TAF1: variants seen among roughly 807,000 people sequenced by gnomAD.
TAF1 encodes the protein TATA-box binding protein associated factor 1.
TAF1 carries 2 observed loss-of-function variants against 138.5 expected under a neutral mutation model. The observed-to-expected ratio is 0.01, with a 90% CI of 0.01 to 0.05. TAF1 has a LOEUF of 0.05. Among genes scored for constraint, TAF1 ranks in the 10% least tolerant of loss-of-function variants. The probability of loss-of-function intolerance (pLI) is 1.00; values close to 1 mark genes in which losing one functional copy is unlikely to be tolerated. For synonymous variants in TAF1, 437 were observed against 503.2 expected (o/e 0.87, Z 1.76); for missense variants, 709 against 1,478.0 (o/e 0.48, Z 8.53).
rs1185139205 is a variant in TAF1, at chrX:71,464,959, T to C, written c.*913T>C. 2 of 111,498 alleles carry C rather than the reference T, an allele frequency of 1.8e-5. No individual in the cohort carries two copies. The highest frequency in any genetic ancestry group is 6.5e-5 in the African/African-American group (2 of 30,680). The allele number at this position is 111,498 out of a possible 1,213,427, so 9.2% of individuals were successfully genotyped here. Reference sequence around the variant, plus strand: ...AGAAATGATAATGTTGCCACCTAAATGTTTTCTGTCCCCCCCACCCTCCCC... The same window carrying C: ...AGAAATGATAATGTTGCCACCTAAACGTTTTCTGTCCCCCCCACCCTCCCC... On this transcript the variant is annotated 3_prime_UTR_variant, in exon 38 of 38. Coordinates refer to ENST00000423759, the MANE Select transcript of TAF1 (RefSeq NM_004606.5).
intron 6 of TAF1, chrX:71,378,023 GA>G: frequency 1.6e-6 from 1 of 612,354 alleles, no homozygotes. Context: ...GGTAGGCGGG[GA>G]TGAGAGGGGT....
chrX:71,371,915 T>C (rs2033087074), intron 3 of TAF1, among the ~76,000 whole-genome samples: 1 of 112,215 alleles, frequency 8.9e-6, no homozygotes, highest in African/African-American at 3.2e-5. Flanking sequence ...TATAATATTA[T>C]GGTAAATGCT....
intron 14 of TAF1, chrX:71,386,991 A>G (rs1188124712): frequency 3.0e-6 from 1 of 328,465 alleles, no homozygotes; most frequent in Non-Finnish European, 5.3e-6. Context: ...TAGCTTAAAT[A>G]GACATGTTAA....
intron 25 of TAF1, among the ~76,000 whole-genome samples, chrX:71,405,934 G>T (rs1370998514): frequency 8.9e-6 from 1 of 111,790 alleles, no homozygotes; most frequent in African/African-American, 3.2e-5. Context: ...AGGTGAATGA[G>T]CTTTAATGAT....
At chrX:71,389,560 T>C (rs372339724) in intron 17 of TAF1, 25 bp from the exon 18 acceptor site, 1 of 1,172,015 alleles carries the variant, frequency 8.5e-7, no homozygotes, top group African/African-American at 1.8e-5. Flanking sequence ...CTGACTGATT[T>C]ATGCATGGAT....
rs1375851409 is a variant in TAF1 at position 71,519,649 on chromosome X, AT to A, written c.1367-8892del. On this transcript the variant is annotated intron_variant and NMD_transcript_variant, in intron 13 of 14. Transcript: ENST00000373775. ...CAGAGCGAGACTCCATCTCAAAAAA[AT>A]AAAAATAAAAAAAATAAAAACAAAT... is the stretch of plus-strand genomic sequence containing the variant. Among the ~76,000 whole-genome samples, 7 of 107,729 alleles carry A rather than the reference AT, an allele frequency of 6.5e-5. No individual in the cohort carries two copies. The South Asian group carries it at 2.7e-3, about 41-fold the overall frequency. The allele number at this position is 107,729 out of a possible 115,157, so 93.5% of individuals were successfully genotyped here.
chrX:71,376,780 T>C (rs1284859535), intron 4 of TAF1, among the ~76,000 whole-genome samples, 170 bp from the exon 5 acceptor site: 1 of 111,616 alleles, frequency 9.0e-6, no homozygotes, highest in East Asian at 2.8e-4. Context: ...CGATGGGAGA[T>C]AACGAGTTAG....
intron 13 of TAF1, among the ~76,000 whole-genome samples, chrX:71,518,591 C>T (rs2039864091): frequency 9.0e-6 from 1 of 110,750 alleles, no homozygotes; most frequent in Non-Finnish European, 1.9e-5. Context: ...GTGTTAATTA[C>T]AGAAGTCTGA....
At chrX:71,475,713 A>G (rs959582601) in intron 13 of TAF1, among the ~76,000 whole-genome samples, 2 of 111,716 alleles carry the variant, frequency 1.8e-5, no homozygotes, top group Non-Finnish European at 3.8e-5. Context: ...GACAGTCTAG[A>G]TTCATGAATA....
intron 3 of TAF1, 62 bp downstream of exon 3, chrX:71,368,232 T>A: frequency 9.0e-7 from 1 of 1,108,514 alleles, no homozygotes; most frequent in Non-Finnish European, 1.2e-6. Context: ...TAGTCCAGTT[T>A]GGGCTCTGGT....
At chrX:71,386,113 A>G (rs1334560052) in intron 14 of TAF1, among the ~76,000 whole-genome samples, 1 of 108,005 alleles carries the variant, frequency 9.3e-6, no homozygotes, top group Non-Finnish European at 1.9e-5. Flanking sequence ...GTGAGCCGAG[A>G]TCGCGCCATT....
chrX:71,467,268 C>G (rs2038784271), downstream of TAF1, among the ~76,000 whole-genome samples: 1 of 109,178 alleles, frequency 9.2e-6, no homozygotes, highest in Non-Finnish European at 1.9e-5. Context: ...TCCCTGGGTA[C>G]TTGAGATTAG....
chrX:71,482,422 A>G lies in TAF1; in HGVS notation c.1366+21619A>G, dbSNP rs925691987. Among the ~76,000 whole-genome samples the G allele has an allele frequency of 3.6e-5, 4 of 112,246 alleles. No individual in the cohort carries two copies. The South Asian group carries it at 1.5e-3, about 41-fold the overall frequency. On this transcript the variant is annotated intron_variant and NMD_transcript_variant, in intron 13 of 14. Transcript: ENST00000373775. Reference sequence around the variant, plus strand: ...GGCTCTTGAGTGGACAATTAACAACACAAGCATACCTCAGAGATATTGTGG... The same window carrying G: ...GGCTCTTGAGTGGACAATTAACAACGCAAGCATACCTCAGAGATATTGTGG...
intron 28 of TAF1, among the ~76,000 whole-genome samples, chrX:71,420,980 C>A (rs1026853203): frequency 8.9e-6 from 1 of 112,784 alleles, no homozygotes; most frequent in African/African-American, 3.2e-5. Flanking sequence ...CGCCCGCTGC[C>A]GCCTGCTCAC....
intron 13 of TAF1, among the ~76,000 whole-genome samples, chrX:71,488,926 G>A (rs1447675497): frequency 9.1e-6 from 1 of 109,789 alleles, no homozygotes; most frequent in Non-Finnish European, 1.9e-5. Context: ...AATTAGCCAG[G>A]CATGGTTGTG....
chrX:71,420,228 T>C, intron 28 of TAF1: 1 of 769,750 alleles, frequency 1.3e-6, no homozygotes, highest in East Asian at 3.3e-5. Flanking sequence ...AAAACCCCGA[T>C]CTGTTGTGCT....
chrX:71,398,170 T>G (rs1270216297), intron 23 of TAF1, among the ~76,000 whole-genome samples: 1 of 110,503 alleles, frequency 9.0e-6, no homozygotes, highest in African/African-American at 3.3e-5. Flanking sequence ...AAACCCTGTC[T>G]CTACTGAAAG....
chrX:71,455,516 C>A (rs2038239238), intron 34 of TAF1, among the ~76,000 whole-genome samples: 1 of 111,489 alleles, frequency 9.0e-6, no homozygotes. Flanking sequence ...CAGAATATCA[C>A]TGGTGCTTGG....
At chrX:71,388,540 T>C in intron 16 of TAF1, 162 bp downstream of exon 16, 8 of 929,152 alleles carry the variant, frequency 8.6e-6, no homozygotes, top group Non-Finnish European at 1.2e-5. Context: ...TGAATTTGGC[T>C]GCCAGGAAGT....
Sources: gnomAD v4.1 joint callset for allele counts (sites outside exome capture counted in the v4.1 genomes callset) on GRCh38, gnomAD v4.1.1 for gene constraint, MANE v1.5 for transcripts, NCBI Gene and HGNC (gene_info 2026-07-23, HGNC 2026-07-21) for gene names.